The following TG variants were observed in gnomAD, a reference collection of about 807,000 sequenced individuals.
The protein encoded by TG is thyroid hormones.
In TG, 270 loss-of-function variants were observed where a neutral mutation model predicts 324.7. The observed-to-expected ratio is 0.83, with a 90% CI of 0.75 to 0.92. The LOEUF (loss-of-function observed/expected upper bound fraction) is 0.92, where lower values mean the gene tolerates loss of function less well. Ranked by LOEUF, TG falls within the 40% of genes least tolerant of loss-of-function variation. The pLI is 0.00. For synonymous variants in TG, 1,401 were observed against 1,327.0 expected (o/e 1.06, Z -1.21); for missense variants, 3,591 against 3,456.4 (o/e 1.04, Z -0.98).
At chr8:133,026,410 G>A (rs987245630) in intron 40 of TG, among the ~76,000 whole-genome samples, 2 of 152,204 alleles carry the variant, frequency 1.3e-5, no homozygotes, top group African/African-American at 2.4e-5. Flanking sequence ...TGGTTCCTAC[G>A]GATGTGAGCA....
Position 132,901,548 on chromosome 8 carries a change from G to C in TG, c.3629G>C (p.Cys1210Ser). The change falls in exon 16 of 48, where the codon TGT (cysteine) becomes TCT (serine). Residue 1210 changes from cysteine (C) to serine (S), a missense_variant. Transcript: ENST00000220616. The stretch of plus-strand genomic sequence containing the variant: ...CGCGTGACCGGGGGCCAGCCCGCCT[G>C]TGAGAGTAAGTCATGACCCCCTGGG... Reference protein sequence around the residue: ...GTRVTGGQPACESPRCPLPFN... With the variant: ...GTRVTGGQPASESPRCPLPFN... 1 of 1,612,974 alleles carries C rather than the reference G, an allele frequency of 6.2e-7. No homozygotes were observed. The highest frequency in any genetic ancestry group is 1.1e-5 in the South Asian group (1 of 90,980).
intron 43 of TG, chr8:133,106,455 G>A (rs904021192): frequency 9.1e-6 from 9 of 985,158 alleles, no homozygotes; most frequent in Non-Finnish European, 1.1e-5. Flanking sequence ...CCCAGGTCCC[G>A]CCTGAAGCAA....
chr8:133,029,086 G>T (rs1308362037), intron 40 of TG, among the ~76,000 whole-genome samples: 2 of 152,120 alleles, frequency 1.3e-5, no homozygotes, highest in Admixed American at 6.5e-5. Context: ...GTGTTTCAAG[G>T]TCTGATAAAG....
intron 43 of TG, among the ~76,000 whole-genome samples, chr8:133,101,366 G>C (rs1413505265): frequency 6.6e-6 from 1 of 152,178 alleles, no homozygotes; most frequent in Non-Finnish European, 1.5e-5. Flanking sequence ...CTCCCAACCT[G>C]AATTTAGAGT....
Position 133,134,861 on chromosome 8 carries a change from T to G in TG, c.*67T>G. ...ACTATGGTCATCTTTTTCTCTAAAA[T>G]AGCCACTTACCTTCAATAAAGTATC... On this transcript the variant is annotated 3_prime_UTR_variant, in exon 48 of 48. Transcript: ENST00000220616. The G allele has an allele frequency of 8.1e-7, 1 of 1,237,372 alleles. No individual in the cohort carries two copies. Among genetic ancestry groups the G allele is most frequent in the Non-Finnish European group, 1.2e-6 (1 of 838,500 alleles). The allele number at this position is 1,237,372 out of a possible 1,614,324, so 76.6% of individuals were successfully genotyped here. A position where few individuals can be genotyped will look rare whatever the true frequency, so the allele number is the denominator to read the frequency against.
intron 39 of TG, 22 bp downstream of exon 39, chr8:133,019,717 A>G (rs755717589): frequency 1.5e-5 from 24 of 1,598,110 alleles, no homozygotes; most frequent in Admixed American, 1.0e-4. Context: ...AGCACTTGCT[A>G]TGGTTGCCCT....
At chr8:133,105,103 G>A (rs755908471) in intron 43 of TG, among the ~76,000 whole-genome samples, 13 of 152,234 alleles carry the variant, frequency 8.5e-5, no homozygotes, top group African/African-American at 2.9e-4. Context: ...GCAAGAAGCA[G>A]GTGAACTCTG....
intron 16 of TG, among the ~76,000 whole-genome samples, 161 bp downstream of exon 16, chr8:132,901,714 C>T (rs541562669): frequency 6.6e-6 from 1 of 152,152 alleles, no homozygotes; most frequent in Non-Finnish European, 1.5e-5. Context: ...TGAAAACTTA[C>T]ATCTACTTCC....
intron 43 of TG, among the ~76,000 whole-genome samples, chr8:133,106,117 T>C (rs937568548): frequency 6.6e-5 from 10 of 152,024 alleles, no homozygotes; most frequent in African/African-American, 2.4e-4. Flanking sequence ...ACTGAAGGTC[T>C]GAAAGAGCCA....
At chr8:132,979,169 G>T (rs566052702) in intron 34 of TG, among the ~76,000 whole-genome samples, 1 of 152,176 alleles carries the variant, frequency 6.6e-6, no homozygotes, top group Non-Finnish European at 1.5e-5. Flanking sequence ...ATAAGGGGCT[G>T]CTCTGTGGTT....
intron 10 of TG, 86 bp from the exon 11 acceptor site, chr8:132,893,604 G>T: frequency 6.3e-7 from 1 of 1,589,628 alleles, no homozygotes; most frequent in Non-Finnish European, 8.6e-7. Flanking sequence ...GTGTATGTGT[G>T]TGCGTGAGGG....
intron 34 of TG, among the ~76,000 whole-genome samples, chr8:132,981,297 G>T (rs1830816641): frequency 6.6e-6 from 1 of 152,212 alleles, no homozygotes; most frequent in Non-Finnish European, 1.5e-5. Context: ...TTATGTAGTT[G>T]CCAGTGTTCA....
At chr8:133,119,741 G>A (rs777117097) in intron 45 of TG, among the ~76,000 whole-genome samples, 4 of 152,158 alleles carry the variant, frequency 2.6e-5, no homozygotes, top group Non-Finnish European at 5.9e-5. Context: ...GAGGTTCAAG[G>A]AGTTCAACAT....
intron 18 of TG, among the ~76,000 whole-genome samples, chr8:132,909,405 C>A (rs1819183170): frequency 6.6e-6 from 1 of 152,076 alleles, no homozygotes; most frequent in Non-Finnish European, 1.5e-5. Flanking sequence ...AAATTAAATC[C>A]CATGCAGAAA....
At chr8:132,947,229 C>G (rs1407717333) in intron 26 of TG, among the ~76,000 whole-genome samples, 1 of 152,168 alleles carries the variant, frequency 6.6e-6, no homozygotes, top group African/African-American at 2.4e-5. Flanking sequence ...CTCCATGGTG[C>G]TCTTTACAAA....
intron 41 of TG, among the ~76,000 whole-genome samples, chr8:133,059,905 G>T (rs993553953): frequency 2.0e-5 from 3 of 152,174 alleles, no homozygotes; most frequent in Non-Finnish European, 4.4e-5. Context: ...CTTCAGGTGC[G>T]CCGAGCACCC....
At chr8:133,117,322 G>T (rs1850777654) in intron 45 of TG, among the ~76,000 whole-genome samples, 1 of 152,198 alleles carries the variant, frequency 6.6e-6, no homozygotes, top group Non-Finnish European at 1.5e-5. Flanking sequence ...AAAGATTTGG[G>T]TTTCATAGCT....
intron 35 of TG, among the ~76,000 whole-genome samples, chr8:133,005,744 C>T (rs1009894408): frequency 1.3e-5 from 2 of 152,180 alleles, no homozygotes; most frequent in African/African-American, 4.8e-5. Context: ...TTCAACTCTT[C>T]TCTGGTTTCT....
At chr8:133,022,190 G>T (rs1436057039) in intron 40 of TG, 40 bp downstream of exon 40, 2 of 1,613,488 alleles carry the variant, frequency 1.2e-6, no homozygotes, top group African/African-American at 2.7e-5. Flanking sequence ...GACCCCCTGA[G>T]CCAAGGCTCA....
Sources: allele counts gnomAD v4.1 joint callset (sites outside exome capture counted in the v4.1 genomes callset), GRCh38; gene constraint gnomAD v4.1.1; transcripts MANE v1.5; gene names NCBI Gene and HGNC (gene_info 2026-07-23, HGNC 2026-07-21).